CSDC2: variants seen among roughly 807,000 people sequenced by gnomAD.
CSDC2 encodes cold shock domain-containing protein C2.
Under a neutral mutation model 15.8 loss-of-function variants are expected in CSDC2, and 8 were observed. That is an observed-to-expected ratio of 0.51 (90% CI 0.30 to 0.92). The LOEUF is 0.92. Among genes scored for constraint, CSDC2 ranks in the 40% least tolerant of loss-of-function variants. The pLI is 0.07. For missense variants in CSDC2, 195 were observed against 213.3 expected (o/e 0.91, Z 0.53); for synonymous variants, 96 against 92.3 (o/e 1.04, Z -0.23).
intron 1 of CSDC2, among the ~76,000 whole-genome samples, chr22:41,566,186 C>T (rs1369629743): frequency 6.6e-6 from 1 of 150,848 alleles, no homozygotes; most frequent in Non-Finnish European, 1.5e-5. Context: ...TGGCTCACGC[C>T]TGTAATCCCA....
At chr22:41,570,647 C>A (rs970112299) in intron 1 of CSDC2, among the ~76,000 whole-genome samples, 5 of 151,796 alleles carry the variant, frequency 3.3e-5, no homozygotes, top group Non-Finnish European at 5.9e-5. Context: ...CATGGTGAAA[C>A]CCCGTCTCTA....
At chr22:41,567,934 G>T (rs1404122281) in intron 1 of CSDC2, among the ~76,000 whole-genome samples, 3 of 152,128 alleles carry the variant, frequency 2.0e-5, no homozygotes, top group African/African-American at 7.2e-5. Context: ...GTGAATGGTG[G>T]GCTTGGCCCA....
At chr22:41,564,640 G>C (rs1044241492) in intron 1 of CSDC2, among the ~76,000 whole-genome samples, 2 of 152,196 alleles carry the variant, frequency 1.3e-5, no homozygotes, top group African/African-American at 4.8e-5. Flanking sequence ...CCCCACGTTT[G>C]TTGTTCTGGT....
intron 1 of CSDC2, among the ~76,000 whole-genome samples, chr22:41,563,294 G>A (rs542380868): frequency 6.6e-6 from 1 of 152,036 alleles, no homozygotes; most frequent in South Asian, 2.1e-4. Context: ...GGAGGGGGAG[G>A]AGCCAGGGAA....
chr22:41,570,329 G>A (rs1321173425), intron 1 of CSDC2, among the ~76,000 whole-genome samples: 1 of 152,178 alleles, frequency 6.6e-6, no homozygotes, highest in Non-Finnish European at 1.5e-5. Context: ...AGGCATGGCA[G>A]AGCCAGCTCA....
At chr22:41,561,840 G>C (rs1366483429) in intron 1 of CSDC2, among the ~76,000 whole-genome samples, 1 of 152,218 alleles carries the variant, frequency 6.6e-6, no homozygotes, top group East Asian at 1.9e-4. Flanking sequence ...GCCCCCGGAG[G>C]GCAGGGGTGA....
chr22:41,574,319 G>C (rs2067163766), intron 3 of CSDC2, among the ~76,000 whole-genome samples: 1 of 152,214 alleles, frequency 6.6e-6, no homozygotes, highest in Non-Finnish European at 1.5e-5. Flanking sequence ...AGGCTGGAGT[G>C]CAATGGCACA....
At position 41,575,628 on chromosome 22, in the gene CSDC2, C is replaced by G. The variant is rs990785376; in HGVS notation, c.*733C>G. 2 of 152,648 alleles carry G rather than the reference C, an allele frequency of 1.3e-5. No homozygotes were observed. The highest frequency in any genetic ancestry group is 4.8e-5 in the African/African-American group (2 of 41,462). 9.5% of individuals were successfully genotyped at this position (152,648 alleles called of 1,614,324 possible). On this transcript the variant is annotated 3_prime_UTR_variant, in exon 4 of 4. Transcript: ENST00000306149. The stretch of plus-strand genomic sequence containing the variant: ...TTCCCCTGGGCTGTACTGAGCCGAG[C>G]CCAGGGGTTTGCAGAGGGTGGGGGT...
chr22:41,562,177 C>G (rs1473772415), intron 1 of CSDC2, among the ~76,000 whole-genome samples: 1 of 152,060 alleles, frequency 6.6e-6, no homozygotes, highest in Non-Finnish European at 1.5e-5. Context: ...ATCATGCTGC[C>G]TGGCTGTGAT....
chr22:41,573,696 G>A lies in CSDC2; in HGVS notation c.218G>A (p.Cys73Tyr). The A allele has an allele frequency of 6.2e-7, 1 of 1,613,830 alleles. No homozygotes were observed. The highest frequency in any genetic ancestry group is 8.5e-7 in the Non-Finnish European group (1 of 1,179,904). Residue 73 changes from cysteine to tyrosine, a missense_variant, in exon 3 of 4, where the codon TGT becomes TAT. Coordinates refer to ENST00000306149, the MANE Select transcript of CSDC2 (RefSeq NM_014460.4). ...GCTGGCCCCGTGTTCAAGGGCGTCT[G>A]TAAGCAGTTCTCACGCTCACAGGGC... ...ASAGPVFKGV[C>Y]KQFSRSQGHG...
Position 41,575,183 on chromosome 22 carries a change from A to G in CSDC2, c.*288A>G. 2.0e-6 allele frequency: 1 copy of G among 490,850 alleles called. No individual in the cohort carries two copies. Among genetic ancestry groups the G allele is most frequent in the Non-Finnish European group, 3.7e-6 (1 of 271,180 alleles). 30.4% of individuals were successfully genotyped at this position (490,850 alleles called of 1,614,324 possible). On this transcript the variant is annotated 3_prime_UTR_variant, in exon 4 of 4. Transcript: ENST00000306149. ...CCTCCCCTCCCTGCCGCAGACACGC[A>G]GGACCCGCTCGCCCTCCTGCTTACC...
At chr22:41,572,308 C>T (rs1036246342) in intron 2 of CSDC2, among the ~76,000 whole-genome samples, 167 bp downstream of exon 2, 17 of 148,158 alleles carry the variant, frequency 1.1e-4, no homozygotes, top group Non-Finnish European at 2.5e-4. Context: ...ATCCATCCAC[C>T]CATCCACCCA....
At position 41,574,910 on chromosome 22, in the gene CSDC2, A is replaced by G; in HGVS notation, c.*15A>G. On this transcript the variant is annotated 3_prime_UTR_variant, in exon 4 of 4. Transcript: ENST00000306149. Reference sequence around the variant, plus strand: ...TGGGCTCCTAGGCTGAGTGGTTCACAGGCCAGCTGGCCGGGGGTTGGGGAG... The same window carrying G: ...TGGGCTCCTAGGCTGAGTGGTTCACGGGCCAGCTGGCCGGGGGTTGGGGAG... 1 of 1,571,860 alleles carries G rather than the reference A, an allele frequency of 6.4e-7. No homozygotes were observed. The highest frequency in any genetic ancestry group is 8.6e-7 in the Non-Finnish European group (1 of 1,158,996).
At chr22:41,572,289 C>T (rs1400326914) in intron 2 of CSDC2, 148 bp downstream of exon 2, 7 of 568,156 alleles carry the variant, frequency 1.2e-5, no homozygotes, top group African/African-American at 1.9e-5. Flanking sequence ...TTGTCCCATA[C>T]ATCCATTCAT....
intron 1 of CSDC2, among the ~76,000 whole-genome samples, chr22:41,570,543 T>C (rs1483960849): frequency 6.6e-6 from 1 of 151,900 alleles, no homozygotes; most frequent in Non-Finnish European, 1.5e-5. Context: ...GGGAGGGGTA[T>C]AAATTGGAGG....
At chr22:41,564,684 GT>G (rs2067104853) in intron 1 of CSDC2, among the ~76,000 whole-genome samples, 1 of 152,186 alleles carries the variant, frequency 6.6e-6, no homozygotes, top group Admixed American at 6.5e-5. Flanking sequence ...TTACATATGT[GT>G]TTTTGAAAAC....
At chr22:41,565,649 T>A (rs1261043539) in intron 1 of CSDC2, among the ~76,000 whole-genome samples, 2 of 152,138 alleles carry the variant, frequency 1.3e-5, no homozygotes, top group East Asian at 1.9e-4. Flanking sequence ...CCATTCTGCA[T>A]CCTTTTAGGG....
At chr22:41,572,555 C>T (rs2067153410) in intron 2 of CSDC2, among the ~76,000 whole-genome samples, 1 of 152,158 alleles carries the variant, frequency 6.6e-6, no homozygotes, top group East Asian at 1.9e-4. Context: ...ATTTACTGAG[C>T]TCCTGACCAG....
chr22:41,566,926 C>CAA (rs573857754), intron 1 of CSDC2, among the ~76,000 whole-genome samples: 18 of 65,064 alleles, frequency 2.8e-4, no homozygotes, highest in African/African-American at 7.5e-4. Context: ...TCCTCCGTCT[C>CAA]AAAAAAAAAA....
Sources: gnomAD v4.1 joint callset for allele counts (sites outside exome capture counted in the v4.1 genomes callset) on GRCh38, gnomAD v4.1.1 for gene constraint, MANE v1.5 for transcripts, NCBI Gene and HGNC (gene_info 2026-07-23, HGNC 2026-07-21) for gene names.